NBR1: variants seen among roughly 807,000 people sequenced by gnomAD.
NBR1 encodes the protein NBR1 autophagy cargo receptor, also known as next to BRCA1 gene 1 protein.
A neutral mutation model predicts 115.5 loss-of-function variants in NBR1; 59 were observed. The ratio of observed to expected loss-of-function variants is 0.51; its 90% CI spans 0.41 to 0.63. The LOEUF (loss-of-function observed/expected upper bound fraction) is 0.63. NBR1 is among the 30% of genes least tolerant of loss of function. The pLI, the probability that NBR1 is intolerant of heterozygous loss-of-function variation, is 0.00. For missense variants in NBR1, 1,043 were observed against 1,150.5 expected (o/e 0.91, Z 1.35); for synonymous variants, 373 against 414.7 (o/e 0.90, Z 1.22).
chr17:43,171,068 G>A (rs193017954), upstream of NBR1: 501 of 152,688 alleles, frequency 3.3e-3, no homozygotes, highest in Non-Finnish European at 3.7e-3. Flanking sequence ...TGTTGTTCGG[G>A]TTCAGGTTGC....
At chr17:43,199,748 C>G (rs1429708725) in intron 16 of NBR1, among the ~76,000 whole-genome samples, 1 of 152,160 alleles carries the variant, frequency 6.6e-6, no homozygotes, top group Non-Finnish European at 1.5e-5. Context: ...ACTGCATCAT[C>G]TTTGTAAAGA....
chr17:43,205,260 A>G (rs1280956471), intron 20 of NBR1, among the ~76,000 whole-genome samples: 2 of 152,142 alleles, frequency 1.3e-5, no homozygotes, highest in East Asian at 3.9e-4. Flanking sequence ...AGGCTGAGGC[A>G]GGAGAATCAC....
Position 43,192,779 on chromosome 17 carries a change from T to G in NBR1, c.1074-315T>G, listed in dbSNP as rs2056979278. On this transcript the variant is annotated intron_variant, in intron 10 of 20. Transcript: ENST00000590996. ...CTCTTCATTGGAGGCAATCTGGAAT[T>G]GAAGCAAAAGGAACAAATGTGTTAA... Among the ~76,000 whole-genome samples, 3 of 152,184 alleles carry G rather than the reference T, an allele frequency of 2.0e-5. No homozygotes were observed. In the South Asian group the frequency reaches 6.2e-4, roughly 32 times the overall value.
intron 20 of NBR1, among the ~76,000 whole-genome samples, chr17:43,205,671 G>A: frequency 6.6e-6 from 1 of 151,952 alleles, no homozygotes; most frequent in Non-Finnish European, 1.5e-5. Context: ...GCGTCCAGGA[G>A]TTCAAGACCA....
chr17:43,188,343 A>T (rs1287372605), intron 6 of NBR1, among the ~76,000 whole-genome samples: 1 of 152,008 alleles, frequency 6.6e-6, no homozygotes, highest in East Asian at 1.9e-4. Flanking sequence ...TAAGTTCCTT[A>T]TAGATTCTGG....
intron 16 of NBR1, among the ~76,000 whole-genome samples, chr17:43,199,619 CCCACGTTGGCCTCCCAA>C (rs1380446848): frequency 6.6e-6 from 1 of 152,042 alleles, no homozygotes; most frequent in Non-Finnish European, 1.5e-5. Flanking sequence ...TCATGATCTG[CCCACGTTGGCCTCCCAA>C]AGTGCTGGGA....
chr17:43,193,773 A>C, intron 12 of NBR1, 135 bp downstream of exon 12: 2 of 910,922 alleles, frequency 2.2e-6, no homozygotes, highest in Non-Finnish European at 3.2e-6. Flanking sequence ...CCCCGCCCCA[A>C]CACATCTCTA....
chr17:43,198,843 A>G (rs549023777), intron 16 of NBR1, among the ~76,000 whole-genome samples: 3 of 151,024 alleles, frequency 2.0e-5, no homozygotes, highest in South Asian at 4.2e-4. Context: ...CGCACCTGTA[A>G]TCCCAGCTAC....
At chr17:43,202,576 A>G (rs934620318) in intron 18 of NBR1, 79 bp from the exon 19 acceptor site, 1 of 1,011,464 alleles carries the variant, frequency 9.9e-7, no homozygotes, top group South Asian at 1.5e-5. Flanking sequence ...CACCTGCCTC[A>G]ATAATAGCCT....
chr17:43,177,572 AACACACACACAC>A (rs60320098), intron 2 of NBR1, among the ~76,000 whole-genome samples: 7,921 of 131,296 alleles, frequency 0.06, 320 homozygotes, highest in Non-Finnish European at 0.072. Context: ...CCCCACCCAA[AACACACACACAC>A]ACACACACAC....
Position 43,208,106 on chromosome 17 carries a change from A to T in NBR1, c.2728-1795A>T, listed in dbSNP as rs565276877. ...TGTTTTAATAAGGGGGACATGGTCA[A>T]CGGTGTTAGATGCTACAGAGAGATA... On this transcript the variant is annotated intron_variant, in intron 20 of 20. Coordinates refer to ENST00000590996, the MANE Select transcript of NBR1 (RefSeq NM_005899.5). 5.3e-5 allele frequency among the ~76,000 whole-genome samples: 8 copies of T among 152,328 alleles called. 1 individual carries two copies. The South Asian group carries it at 1.7e-3, about 32-fold the overall frequency.
chr17:43,204,140 G>A (rs1223430918), intron 20 of NBR1, among the ~76,000 whole-genome samples: 5 of 151,744 alleles, frequency 3.3e-5, no homozygotes, highest in South Asian at 4.2e-4. Context: ...ATGTTTCACC[G>A]TGTTAGCCAG....
chr17:43,171,737 T>G (rs2056377133), intron 1 of NBR1, among the ~76,000 whole-genome samples: 1 of 152,224 alleles, frequency 6.6e-6, no homozygotes, highest in African/African-American at 2.4e-5. Flanking sequence ...TAAAGAGATC[T>G]CCTTGGTTAG....
At chr17:43,204,759 G>A (rs2057279866) in intron 20 of NBR1, among the ~76,000 whole-genome samples, 1 of 150,310 alleles carries the variant, frequency 6.7e-6, no homozygotes, top group Admixed American at 6.7e-5. Flanking sequence ...AGCTTGCAGT[G>A]AGCCGAGATG....
At chr17:43,190,305 A>T in intron 8 of NBR1, 1 of 389,670 alleles carries the variant, frequency 2.6e-6, no homozygotes, top group South Asian at 2.2e-5. Context: ...TACTGGACTC[A>T]AATGATCCTC....
At chr17:43,183,504 C>T (rs1420932760) in intron 5 of NBR1, among the ~76,000 whole-genome samples, 2 of 152,160 alleles carry the variant, frequency 1.3e-5, no homozygotes, top group African/African-American at 4.8e-5. Context: ...CAGGCATGAG[C>T]CACTGCGCCC....
chr17:43,180,179 A>G (rs1358965342), intron 4 of NBR1, among the ~76,000 whole-genome samples: 2 of 152,226 alleles, frequency 1.3e-5, no homozygotes, highest in African/African-American at 2.4e-5. Flanking sequence ...GCATCGCTTA[A>G]TGACAGAGAT....
intron 20 of NBR1, among the ~76,000 whole-genome samples, chr17:43,206,182 A>C (rs1320171043): frequency 1.3e-5 from 2 of 151,780 alleles, no homozygotes; most frequent in African/African-American, 4.8e-5. Flanking sequence ...TCTCAAAAAA[A>C]AAAAAAAAGA....
intron 2 of NBR1, chr17:43,176,275 T>C (rs1322941727): frequency 1.8e-5 from 3 of 164,116 alleles, no homozygotes; most frequent in African/African-American, 4.8e-5. Context: ...TGCACAAGGA[T>C]ATAACTTGTG....
Sources: allele counts gnomAD v4.1 joint callset (sites outside exome capture counted in the v4.1 genomes callset), GRCh38; gene constraint gnomAD v4.1.1; transcripts MANE v1.5; gene names NCBI Gene and HGNC (gene_info 2026-07-23, HGNC 2026-07-21).